The following TNIP3 variants were observed in gnomAD, a reference collection of about 807,000 sequenced individuals.
TNIP3 encodes TNFAIP3 interacting protein 3, also known as TNFAIP3-interacting protein 3.
TNIP3 carries 34 observed loss-of-function variants against 54.1 expected under a neutral mutation model. That is an observed-to-expected ratio of 0.63 (90% CI 0.48 to 0.84). The LOEUF (loss-of-function observed/expected upper bound fraction) is 0.84. Among genes scored for constraint, TNIP3 ranks in the 40% least tolerant of loss-of-function variants. The pLI is 0.00. For synonymous variants in TNIP3, 134 were observed against 136.8 expected, an observed-to-expected ratio of 0.98 and a Z score of 0.14; for missense variants, 366 against 387.6, an observed-to-expected ratio of 0.94 and a Z score of 0.47.
At chr4:121,216,137 C>G (rs1448146199) in intron 2 of TNIP3, among the ~76,000 whole-genome samples, 1 of 152,138 alleles carries the variant, frequency 6.6e-6, no homozygotes, top group East Asian at 1.9e-4. Context: ...GAAAAACCAT[C>G]CACCAAGGCT....
intron 2 of TNIP3, among the ~76,000 whole-genome samples, chr4:121,189,566 G>C (rs1725194748): frequency 6.6e-6 from 1 of 152,168 alleles, no homozygotes; most frequent in African/African-American, 2.4e-5. Context: ...GTGTGTTTTA[G>C]ATGACTGAGT....
intron 2 of TNIP3, among the ~76,000 whole-genome samples, chr4:121,214,203 C>T (rs1195503436): frequency 6.6e-6 from 1 of 152,102 alleles, no homozygotes; most frequent in Admixed American, 6.5e-5. Context: ...AGACATGGAC[C>T]GCGGCCCCTG....
chr4:121,154,149 G>C (rs1729934646), intron 5 of TNIP3: 1 of 236,592 alleles, frequency 4.2e-6, no homozygotes, highest in Admixed American at 5.6e-5. Flanking sequence ...TGCTTCCTTA[G>C]AGTGTGTTTC....
intron 2 of TNIP3, among the ~76,000 whole-genome samples, chr4:121,208,834 C>A (rs1417656510): frequency 1.3e-5 from 2 of 152,168 alleles, no homozygotes; most frequent in Non-Finnish European, 2.9e-5. Flanking sequence ...CTGGACTACA[C>A]CTAAGTTATG....
chr4:121,182,040 A>T (rs943467382), intron 3 of TNIP3, among the ~76,000 whole-genome samples: 4 of 148,060 alleles, frequency 2.7e-5, no homozygotes, highest in African/African-American at 9.9e-5. Flanking sequence ...CTCACATTAG[A>T]TTTTTTTTTT....
At chr4:121,166,576 T>C (rs1421236659), upstream of TNIP3, among the ~76,000 whole-genome samples, 140 of 152,272 alleles carry the variant, frequency 9.2e-4, no homozygotes, top group Non-Finnish European at 1.8e-4. Flanking sequence ...CACTAAAATA[T>C]TATACAGAGG....
intron 5 of TNIP3, 100 bp from the exon 6 acceptor site, chr4:121,150,319 C>A: frequency 1.5e-6 from 1 of 651,778 alleles, no homozygotes; most frequent in Non-Finnish European, 2.6e-6. Flanking sequence ...CACAAATATG[C>A]ATTTCATGTT....
chr4:121,224,192 A>T (rs1441328040), intron 1 of TNIP3, among the ~76,000 whole-genome samples: 2 of 152,070 alleles, frequency 1.3e-5, no homozygotes, highest in African/African-American at 2.4e-5. Context: ...GCGAAACCCC[A>T]TCTCTACTAA....
At chr4:121,186,261 G>A (rs553307891) in intron 2 of TNIP3, among the ~76,000 whole-genome samples, 7 of 152,160 alleles carry the variant, frequency 4.6e-5, no homozygotes, top group Non-Finnish European at 1.0e-4. Flanking sequence ...GAGAGAGTGG[G>A]CGTCAGTGTT....
At chr4:121,156,305 G>GGGCC (rs1730083996) in intron 4 of TNIP3, among the ~76,000 whole-genome samples, 1 of 152,096 alleles carries the variant, frequency 6.6e-6, no homozygotes, top group African/African-American at 2.4e-5. Context: ...AAATAACGAG[G>GGGCC]GGCCATTAGA....
At chr4:121,227,265 C>A in intron 1 of TNIP3, 3 of 775,270 alleles carry the variant, frequency 3.9e-6, no homozygotes, top group South Asian at 3.8e-5. Context: ...AGTTCCTGAT[C>A]AGTTATATAT....
intron 2 of TNIP3, among the ~76,000 whole-genome samples, chr4:121,207,472 C>G (rs1029252482): frequency 6.6e-6 from 1 of 152,078 alleles, no homozygotes; most frequent in Admixed American, 6.6e-5. Flanking sequence ...ATTAATTGTA[C>G]GCAGATATCT....
intron 4 of TNIP3, 75 bp from the exon 5 acceptor site, chr4:121,154,754 T>C: frequency 2.1e-6 from 3 of 1,411,948 alleles, no homozygotes; most frequent in Non-Finnish European, 2.8e-6. Context: ...AATTCTGATA[T>C]ATCAGCCATG....
At chr4:121,142,874 G>C (rs1729204917) in intron 7 of TNIP3, 98 bp from the exon 8 acceptor site, 2 of 954,700 alleles carry the variant, frequency 2.1e-6, no homozygotes, top group Admixed American at 5.0e-5. Context: ...ATTGACAGCA[G>C]TAATACCAAC....
chr4:121,150,142 A>G lies in TNIP3; in HGVS notation c.570T>C (p.His190=). 6.2e-7 allele frequency: 1 copy of G among 1,613,836 alleles called. No homozygotes were observed. The highest frequency in any genetic ancestry group is 8.5e-7 in the Non-Finnish European group (1 of 1,179,858). Residue 190 remains histidine (H), a synonymous_variant, in exon 6 of 11, where the codon CAT becomes CAC. Transcript: ENST00000057513. Reference sequence around the variant, plus strand: ...CTTCCATTTCTGTTCTCATCTCCTCATGGCAGAATTCCACTCGAGACTTCC... The same window carrying G: ...CTTCCATTTCTGTTCTCATCTCCTCGTGGCAGAATTCCACTCGAGACTTCC... ...CLRKSRVEFC[H]EEMRTEMEVL...
chr4:121,189,017 G>C, intron 2 of TNIP3, among the ~76,000 whole-genome samples: 1 of 152,180 alleles, frequency 6.6e-6, no homozygotes, highest in East Asian at 1.9e-4. Context: ...GTATTGGCAA[G>C]TAGTGTAAAT....
chr4:121,183,715 C>G (rs1269620665), intron 2 of TNIP3, among the ~76,000 whole-genome samples: 12 of 151,970 alleles, frequency 7.9e-5, no homozygotes, highest in Non-Finnish European at 1.8e-4. Context: ...TGTGAGGGGT[C>G]TAGGTTGTGA....
At chr4:121,197,248 C>A (rs1560686350) in intron 2 of TNIP3, among the ~76,000 whole-genome samples, 1 of 152,058 alleles carries the variant, frequency 6.6e-6, no homozygotes. Context: ...CTAAGTCCTG[C>A]CGGGCACAGC....
At chr4:121,170,475 C>A (rs536155422) in intron 3 of TNIP3, among the ~76,000 whole-genome samples, 58 of 152,124 alleles carry the variant, frequency 3.8e-4, no homozygotes, top group Non-Finnish European at 7.6e-4. Flanking sequence ...AAAGAGCTGG[C>A]CTGTTTCCGT....
Sources: allele counts gnomAD v4.1 joint callset (sites outside exome capture counted in the v4.1 genomes callset), GRCh38; gene constraint gnomAD v4.1.1; transcripts MANE v1.5; gene names NCBI Gene and HGNC (gene_info 2026-07-23, HGNC 2026-07-21).